The following CADM2 variants were observed in gnomAD, a reference collection of about 807,000 sequenced individuals.
The protein encoded by CADM2 is immunoglobulin superfamily member 4D.
In CADM2, 12 loss-of-function variants were observed where a neutral mutation model predicts 49.8. That is an observed-to-expected ratio of 0.24 (90% CI 0.15 to 0.39). The LOEUF is 0.39. CADM2 is among the 10% of genes least tolerant of loss of function. CADM2 has a pLI of 1.00. For missense variants in CADM2, 378 were observed against 492.3 expected (o/e 0.77, Z 2.20); for synonymous variants, 214 against 175.4 (o/e 1.22, Z -1.74).
intron 5 of CADM2, among the ~76,000 whole-genome samples, chr3:85,898,955 A>ATATATATATATATGTATTTTTTTTTTTT (rs1475991339): frequency 2.9e-5 from 1 of 33,908 alleles, no homozygotes; most frequent in African/African-American, 1.5e-4. Context: ...ATATATATAT[A>ATATATATATATATGTATTTTTTTTTTTT]TTTTTTTTTT....
At chr3:85,814,101 G>A (rs766115464) in intron 3 of CADM2, among the ~76,000 whole-genome samples, 4 of 152,000 alleles carry the variant, frequency 2.6e-5, no homozygotes, top group Non-Finnish European at 4.4e-5. Context: ...GGTTGATGGG[G>A]ATAGCATTGA....
intron 1 of CADM2, among the ~76,000 whole-genome samples, chr3:85,253,888 C>G (rs888176563): frequency 9.9e-5 from 15 of 152,170 alleles, no homozygotes; most frequent in African/African-American, 3.6e-4. Context: ...CCTATTTTTA[C>G]ACACTACTCA....
At chr3:85,420,487 G>A (rs72907231) in intron 1 of CADM2, among the ~76,000 whole-genome samples, 2 of 152,208 alleles carry the variant, frequency 1.3e-5, no homozygotes, top group African/African-American at 2.4e-5. Context: ...ATTTCTATTT[G>A]TATGTCCCAT....
intron 1 of CADM2, among the ~76,000 whole-genome samples, chr3:85,410,747 G>T (rs1438240051): frequency 6.6e-6 from 1 of 152,168 alleles, no homozygotes; most frequent in Non-Finnish European, 1.5e-5. Context: ...ACACTGAAGT[G>T]CATCACCACT....
At chr3:85,260,771 A>G (rs781069860) in intron 1 of CADM2, among the ~76,000 whole-genome samples, 32 of 152,174 alleles carry the variant, frequency 2.1e-4, no homozygotes, top group African/African-American at 4.8e-4. Context: ...TCTAAACTCT[A>G]AATTACTTGG....
intron 6 of CADM2, among the ~76,000 whole-genome samples, chr3:85,917,314 G>A (rs1469292062): frequency 6.6e-6 from 1 of 152,134 alleles, no homozygotes; most frequent in African/African-American, 2.4e-5. Context: ...TAACATTTAA[G>A]TCTTTAATCC....
intron 2 of CADM2, among the ~76,000 whole-genome samples, chr3:85,751,862 T>C (rs550152529): frequency 6.6e-6 from 1 of 152,292 alleles, no homozygotes; most frequent in South Asian, 2.1e-4. Flanking sequence ...ATATCAGAAC[T>C]ATCACTAGAG....
intron 1 of CADM2, among the ~76,000 whole-genome samples, chr3:85,661,654 T>A (rs192917186): frequency 3.9e-5 from 6 of 152,090 alleles, no homozygotes; most frequent in Admixed American, 1.3e-4. Context: ...CAACTTTATA[T>A]AAAGGGGAGA....
rs145074420 is a variant in CADM2 at position 85,975,849 on chromosome 3, T to C, written c.970+14202T>C. 2.3e-4 allele frequency among the ~76,000 whole-genome samples: 35 copies of C among 151,652 alleles called. No individual in the cohort carries two copies. In the East Asian group the frequency reaches 6.4e-3, roughly 28 times the overall value. Reference sequence around the variant, plus strand: ...GATGGTTATCATTTCTAAATTCCAATATTCATAAATTATGCATCACATGCC... The same window carrying C: ...GATGGTTATCATTTCTAAATTCCAACATTCATAAATTATGCATCACATGCC... On this transcript the variant is annotated intron_variant, in intron 8 of 9. Transcript: ENST00000383699.
intron 1 of CADM2, among the ~76,000 whole-genome samples, chr3:85,113,717 A>G (rs1399448636): frequency 7.2e-6 from 1 of 138,036 alleles, no homozygotes; most frequent in Non-Finnish European, 1.5e-5. Context: ...AGGCAATCCT[A>G]CTTATCAGGG....
intron 1 of CADM2, among the ~76,000 whole-genome samples, chr3:85,376,521 C>G (rs2033601693): frequency 2.0e-5 from 3 of 151,916 alleles, no homozygotes; most frequent in Non-Finnish European, 4.4e-5. Context: ...AGAAAGTATT[C>G]AAGCAACTAA....
intron 2 of CADM2, among the ~76,000 whole-genome samples, chr3:85,794,546 C>T (rs2071512987): frequency 6.6e-6 from 1 of 151,952 alleles, no homozygotes; most frequent in Non-Finnish European, 1.5e-5. Context: ...ATGTAACTTG[C>T]TTGGAAAAGT....
intron 8 of CADM2, among the ~76,000 whole-genome samples, chr3:85,990,070 G>GGAGTTAGAAATA (rs1728599631): frequency 7.3e-6 from 1 of 137,804 alleles, no homozygotes; most frequent in Non-Finnish European, 1.5e-5. Flanking sequence ...AGTTAGAAAT[G>GGAGTTAGAAATA]GTGGTAAATG....
Position 85,205,367 on chromosome 3 carries a change from C to G in CADM2, c.61+245699C>G, listed in dbSNP as rs185063973. ...ACTGTTTGAAAATCTGTTTAAATTA[C>G]AGATATCTTTATATTTTGAAGCATG... On this transcript the variant is annotated intron_variant, in intron 1 of 9. Coordinates refer to ENST00000383699, the MANE Select transcript of CADM2 (RefSeq NM_001167675.2). 2.5e-3 allele frequency among the ~76,000 whole-genome samples: 380 copies of G among 152,132 alleles called. 3 individuals are homozygous for G. The highest frequency in any genetic ancestry group is 8.7e-3 in the African/African-American group (362 of 41,508).
chr3:85,030,388 A>T (rs2034926318), intron 1 of CADM2, among the ~76,000 whole-genome samples: 1 of 152,204 alleles, frequency 6.6e-6, no homozygotes. Flanking sequence ...ATCATTTGTA[A>T]GACACTGGTA....
intron 1 of CADM2, among the ~76,000 whole-genome samples, chr3:85,244,613 A>G (rs2042607632): frequency 6.6e-6 from 1 of 152,166 alleles, no homozygotes; most frequent in Non-Finnish European, 1.5e-5. Flanking sequence ...GCTGTGATTT[A>G]GAGCAATAGC....
chr3:85,239,701 G>A (rs2107832623), intron 1 of CADM2, among the ~76,000 whole-genome samples: 1 of 151,310 alleles, frequency 6.6e-6, no homozygotes, highest in African/African-American at 2.4e-5. Flanking sequence ...GTTTCCTTTT[G>A]TGAGACATTT....
intron 8 of CADM2, among the ~76,000 whole-genome samples, chr3:86,032,485 G>A (rs986390845): frequency 2.0e-5 from 3 of 151,780 alleles, no homozygotes; most frequent in Admixed American, 2.0e-4. Flanking sequence ...ACCTTTTAAT[G>A]CATTTCAGAT....
intron 8 of CADM2, among the ~76,000 whole-genome samples, chr3:86,029,168 A>G (rs1416234190): frequency 6.6e-6 from 1 of 152,168 alleles, no homozygotes; most frequent in African/African-American, 2.4e-5. Context: ...CTGAGAAGTG[A>G]CACTTACCTT....
Sources: allele counts gnomAD v4.1 joint callset (sites outside exome capture counted in the v4.1 genomes callset), GRCh38; gene constraint gnomAD v4.1.1; transcripts MANE v1.5; gene names NCBI Gene and HGNC (gene_info 2026-07-23, HGNC 2026-07-21).